WWOX: variants seen among roughly 807,000 people sequenced by gnomAD.
The protein encoded by WWOX is WW domain-containing oxidoreductase.
A neutral mutation model predicts 46.2 loss-of-function variants in WWOX; 69 were observed. The ratio of observed to expected loss-of-function variants is 1.49; its 90% confidence interval spans 1.23 to 1.82. WWOX has a LOEUF of 1.82. Among genes scored for constraint, WWOX ranks in the 40% most tolerant of loss-of-function variants. WWOX has a pLI of 0.00. For synonymous variants in WWOX, 359 were observed against 202.6 expected (o/e 1.77, Z -6.56); for missense variants, 919 against 542.6 (o/e 1.69, Z -6.89).
chr16:78,717,176 G>C (rs1477685349), intron 8 of WWOX, among the ~76,000 whole-genome samples: 1 of 152,106 alleles, frequency 6.6e-6, no homozygotes, highest in African/African-American at 2.4e-5. Context: ...CAGGCTTAGT[G>C]GTTGACCTAG....
intron 8 of WWOX, among the ~76,000 whole-genome samples, chr16:78,754,064 G>C (rs1483038325): frequency 6.6e-6 from 1 of 151,272 alleles, no homozygotes; most frequent in Non-Finnish European, 1.5e-5. Context: ...TTTTCTTTAG[G>C]CTTATCCCAT....
At chr16:78,992,991 C>G (rs939342037) in intron 8 of WWOX, among the ~76,000 whole-genome samples, 2 of 151,752 alleles carry the variant, frequency 1.3e-5, no homozygotes, top group Admixed American at 6.6e-5. Flanking sequence ...CCCTCTCTTT[C>G]CAATGAGGAA....
intron 5 of WWOX, among the ~76,000 whole-genome samples, chr16:78,259,333 A>T (rs988375072): frequency 6.6e-6 from 1 of 152,156 alleles, no homozygotes; most frequent in Admixed American, 6.5e-5. Context: ...ATTTTTATTT[A>T]TATTTATTTT....
intron 8 of WWOX, among the ~76,000 whole-genome samples, chr16:78,546,860 C>G (rs1313418096): frequency 3.3e-5 from 5 of 152,148 alleles, no homozygotes; most frequent in African/African-American, 1.2e-4. Flanking sequence ...GGCCCGGTGG[C>G]TCATGCCCGT....
At chr16:78,413,862 C>G (rs1285704937) in intron 6 of WWOX, among the ~76,000 whole-genome samples, 1 of 151,866 alleles carries the variant, frequency 6.6e-6, no homozygotes, top group East Asian at 2.0e-4. Flanking sequence ...TGGCTTACCC[C>G]TGTAATCCCA....
intron 8 of WWOX, among the ~76,000 whole-genome samples, chr16:79,061,856 G>T (rs2048362739): frequency 6.6e-6 from 1 of 152,126 alleles, no homozygotes; most frequent in African/African-American, 2.4e-5. Flanking sequence ...CAAGGTTTTG[G>T]CAGCCTTACT....
At chr16:79,116,836 C>G (rs1021621578) in intron 8 of WWOX, among the ~76,000 whole-genome samples, 1 of 151,920 alleles carries the variant, frequency 6.6e-6, no homozygotes, top group Non-Finnish European at 1.5e-5. Flanking sequence ...TTACTTAGCC[C>G]AGATCCATCA....
At chr16:78,656,732 C>T (rs1597402114) in intron 8 of WWOX, among the ~76,000 whole-genome samples, 1 of 152,170 alleles carries the variant, frequency 6.6e-6, no homozygotes, top group Non-Finnish European at 1.5e-5. Flanking sequence ...CTGAGCACAT[C>T]CTCGTGGATC....
intron 8 of WWOX, among the ~76,000 whole-genome samples, chr16:78,699,843 G>A (rs1473370162): frequency 6.6e-6 from 1 of 152,048 alleles, no homozygotes; most frequent in Non-Finnish European, 1.5e-5. Context: ...TAATATCAGG[G>A]TATTTCTCTT....
chr16:78,996,272 G>T, intron 8 of WWOX: 1 of 984,960 alleles, frequency 1.0e-6, no homozygotes, highest in Non-Finnish European at 1.2e-6. Flanking sequence ...CCCCTTTTCA[G>T]CTGGGTGCTC....
At chr16:78,199,839 T>C (rs755784885) in intron 5 of WWOX, among the ~76,000 whole-genome samples, 8 of 152,170 alleles carry the variant, frequency 5.3e-5, no homozygotes, top group Non-Finnish European at 1.2e-4. Flanking sequence ...TTTATGTCTG[T>C]AGATTTCACT....
At chr16:78,478,641 G>A (rs949293675) in intron 8 of WWOX, among the ~76,000 whole-genome samples, 1 of 152,076 alleles carries the variant, frequency 6.6e-6, no homozygotes, top group Non-Finnish European at 1.5e-5. Flanking sequence ...AGGCCACAAG[G>A]GTGCCGTTGA....
chr16:78,275,142 G>A (rs2079552990), intron 5 of WWOX, among the ~76,000 whole-genome samples: 1 of 152,210 alleles, frequency 6.6e-6, no homozygotes, highest in South Asian at 2.1e-4. Context: ...AAGAGAAGAT[G>A]TAATTATAAG....
intron 8 of WWOX, among the ~76,000 whole-genome samples, chr16:78,620,615 C>T (rs1376383790): frequency 6.6e-6 from 1 of 152,152 alleles, no homozygotes; most frequent in African/African-American, 2.4e-5. Context: ...AAATTTGGCA[C>T]ATTTTAGTAT....
intron 5 of WWOX, among the ~76,000 whole-genome samples, chr16:78,356,071 T>A (rs1454361619): frequency 5.5e-4 from 42 of 76,122 alleles, no homozygotes; most frequent in Admixed American, 7.1e-4. Context: ...TTTTTTTTCC[T>A]AAAAAAAAAA....
chr16:78,144,911 C>G (rs1057156307), intron 4 of WWOX, among the ~76,000 whole-genome samples: 2 of 152,220 alleles, frequency 1.3e-5, no homozygotes, highest in Non-Finnish European at 2.9e-5. Context: ...GCCAAGAGCT[C>G]TGCAGTTATT....
intron 8 of WWOX, among the ~76,000 whole-genome samples, chr16:79,052,524 A>G (rs2048187900): frequency 6.6e-6 from 1 of 152,232 alleles, no homozygotes; most frequent in South Asian, 2.1e-4. Context: ...AAAGACTTGG[A>G]ACCAACCCAA....
chr16:78,738,186 G>GGTTGTTACT (rs1377510075), intron 8 of WWOX, among the ~76,000 whole-genome samples: 1 of 152,132 alleles, frequency 6.6e-6, no homozygotes, highest in Admixed American at 6.6e-5. Context: ...AAGTTCAGAA[G>GGTTGTTACT]GTTGTTACTG....
intron 8 of WWOX, among the ~76,000 whole-genome samples, chr16:78,908,817 A>C (rs1237239283): frequency 6.6e-6 from 1 of 152,204 alleles, no homozygotes; most frequent in Non-Finnish European, 1.5e-5. Flanking sequence ...CTGATCCATC[A>C]ATTGCAGGGT....
Sources: allele counts gnomAD v4.1 joint callset (sites outside exome capture counted in the v4.1 genomes callset), GRCh38; gene constraint gnomAD v4.1.1; transcripts MANE v1.5; gene names NCBI Gene and HGNC (gene_info 2026-07-23, HGNC 2026-07-21).